The following KLHL32 variants were observed in gnomAD, a reference collection of about 807,000 sequenced individuals.
KLHL32 encodes the protein kelch-like protein 32.
Under a neutral mutation model 64.8 loss-of-function variants are expected in KLHL32, and 35 were observed. The ratio of observed to expected loss-of-function variants is 0.54; its 90% CI spans 0.41 to 0.72. The LOEUF (loss-of-function observed/expected upper bound fraction) is 0.72, where lower values mean the gene tolerates loss of function less well. Ranked by LOEUF, KLHL32 falls within the 30% of genes least tolerant of loss-of-function variation. The pLI, the probability that KLHL32 is intolerant of heterozygous loss-of-function variation, is 0.00. For synonymous variants in KLHL32, 259 were observed against 281.0 expected (o/e 0.92, Z 0.78); for missense variants, 589 against 768.5 (o/e 0.77, Z 2.76).
chr6:97,059,042 T>C (rs529889519), intron 4 of KLHL32, among the ~76,000 whole-genome samples: 1 of 152,348 alleles, frequency 6.6e-6, no homozygotes, highest in African/African-American at 2.4e-5. Context: ...AAGTTGATTC[T>C]GTCAGCAAGT....
intron 3 of KLHL32, among the ~76,000 whole-genome samples, chr6:97,028,546 C>CT (rs767606823): frequency 6.1e-4 from 93 of 152,252 alleles, no homozygotes; most frequent in Admixed American, 1.5e-3. Context: ...AATAAATTTC[C>CT]TTTTTTCATA....
intron 3 of KLHL32, among the ~76,000 whole-genome samples, chr6:96,989,717 C>A (rs1582611460): frequency 6.6e-6 from 1 of 152,072 alleles, no homozygotes; most frequent in Non-Finnish European, 1.5e-5. Flanking sequence ...TTTTCTCCCC[C>A]CCTCTCTTCC....
intron 1 of KLHL32, among the ~76,000 whole-genome samples, chr6:96,965,872 A>G (rs1774397515): frequency 6.6e-6 from 1 of 152,226 alleles, no homozygotes. Context: ...ATAATTAAAA[A>G]AAGAAAATAA....
At chr6:96,969,256 GCT>G (rs1174732532) in intron 2 of KLHL32, among the ~76,000 whole-genome samples, 4 of 152,052 alleles carry the variant, frequency 2.6e-5, no homozygotes, top group Non-Finnish European at 4.4e-5. Flanking sequence ...CTTAGTAATT[GCT>G]CTGTTTCTGA....
chr6:97,002,551 G>A (rs961582369), intron 3 of KLHL32, among the ~76,000 whole-genome samples: 3 of 152,134 alleles, frequency 2.0e-5, no homozygotes, highest in African/African-American at 4.8e-5. Flanking sequence ...TAGGAGTTTG[G>A]TGTACAGATT....
At chr6:97,121,556 G>A (rs1388688499) in intron 7 of KLHL32, among the ~76,000 whole-genome samples, 1 of 152,138 alleles carries the variant, frequency 6.6e-6, no homozygotes, top group Non-Finnish European at 1.5e-5. Context: ...ATACATTGGT[G>A]TAGATTAGAA....
intron 6 of KLHL32, among the ~76,000 whole-genome samples, chr6:97,111,031 G>GC (rs1011709625): frequency 7.0e-6 from 1 of 142,434 alleles, no homozygotes; most frequent in African/African-American, 2.7e-5. Flanking sequence ...GAAAAGTCTT[G>GC]GGGGGGGGGG....
chr6:96,967,000 A>G lies in KLHL32; in HGVS notation c.-61A>G. On this transcript the variant is annotated 5_prime_UTR_variant, in exon 2 of 11. Coordinates refer to ENST00000369261, the MANE Select transcript of KLHL32 (RefSeq NM_052904.4). The stretch of plus-strand genomic sequence containing the variant: ...TTCTCTTGTCTTTTTATTCAGCTGG[A>G]ATGCTTGCTGATTCCTCTGCACACT... 6.7e-7 allele frequency: 1 copy of G among 1,499,864 alleles called. No homozygotes were observed. Among genetic ancestry groups the G allele is most frequent in the South Asian group, 1.1e-5 (1 of 88,214 alleles). The allele number at this position is 1,499,864 out of a possible 1,614,324, so 92.9% of individuals were successfully genotyped here. A position where few individuals can be genotyped will look rare whatever the true frequency, so the allele number is the denominator to read the frequency against.
chr6:96,923,566 G>A (rs1298832431), upstream of KLHL32, among the ~76,000 whole-genome samples: 1 of 152,114 alleles, frequency 6.6e-6, no homozygotes, highest in African/African-American at 2.4e-5. Context: ...GGGAGCAAAC[G>A]AATAAACCCC....
chr6:96,971,236 C>G (rs1775069674), intron 2 of KLHL32, among the ~76,000 whole-genome samples: 1 of 152,094 alleles, frequency 6.6e-6, no homozygotes, highest in Admixed American at 6.5e-5. Flanking sequence ...ATTTGAAATG[C>G]AGATGTTTAA....
At chr6:97,047,119 C>A (rs1414387191) in intron 4 of KLHL32, among the ~76,000 whole-genome samples, 1 of 152,206 alleles carries the variant, frequency 6.6e-6, no homozygotes, top group Non-Finnish European at 1.5e-5. Context: ...GTGTAGCCTT[C>A]TTAAAATTGG....
intron 10 of KLHL32, among the ~76,000 whole-genome samples, chr6:97,138,184 A>C (rs1800256292): frequency 6.6e-6 from 1 of 152,228 alleles, no homozygotes; most frequent in Non-Finnish European, 1.5e-5. Flanking sequence ...TTCCTGCTTC[A>C]AAGATTCAGC....
chr6:97,096,531 G>C (rs932736296), intron 6 of KLHL32, among the ~76,000 whole-genome samples: 1 of 152,246 alleles, frequency 6.6e-6, no homozygotes, highest in South Asian at 2.1e-4. Context: ...TATAGATGCA[G>C]CTTTATGGTG....
intron 2 of KLHL32, among the ~76,000 whole-genome samples, chr6:96,970,886 C>T (rs1445267986): frequency 1.3e-5 from 2 of 152,082 alleles, no homozygotes; most frequent in African/African-American, 4.8e-5. Context: ...TATCCTGCTA[C>T]CTTAAATATA....
Position 96,966,339 on chromosome 6 carries a change from G to A in KLHL32, c.-65-657G>A, listed in dbSNP as rs371761271. On this transcript the variant is annotated intron_variant, in intron 1 of 10. Coordinates refer to ENST00000369261, the MANE Select transcript of KLHL32 (RefSeq NM_052904.4). ...CCAGTGATTAAAAACAAAGACACGG[G>A]ATGGGGGCAGGGACTAAATGAATAA... Among the ~76,000 whole-genome samples, 9 of 152,188 alleles carry A rather than the reference G, an allele frequency of 5.9e-5. No individual in the cohort carries two copies. The South Asian group carries it at 1.9e-3, about 31-fold the overall frequency.
intron 6 of KLHL32, among the ~76,000 whole-genome samples, chr6:97,097,790 A>G (rs1193120003): frequency 2.0e-5 from 3 of 152,142 alleles, no homozygotes; most frequent in Admixed American, 2.0e-4. Context: ...GCAGTGGGAA[A>G]GTATAAACGA....
intron 6 of KLHL32, among the ~76,000 whole-genome samples, chr6:97,090,151 T>A (rs1264207453): frequency 6.6e-6 from 1 of 152,168 alleles, no homozygotes; most frequent in Non-Finnish European, 1.5e-5. Flanking sequence ...ACTCTATTAA[T>A]AATAAATAAA....
chr6:96,902,774 A>C, the KLHL32 span, among the ~76,000 whole-genome samples: 1 of 152,134 alleles, frequency 6.6e-6, no homozygotes, highest in Admixed American at 6.6e-5. Context: ...GTATGGTGTA[A>C]GGAAGGGGTC....
intron 4 of KLHL32, among the ~76,000 whole-genome samples, chr6:97,043,870 T>A (rs1785507915): frequency 6.6e-6 from 1 of 152,120 alleles, no homozygotes. Flanking sequence ...GTCTATTAGG[T>A]CCTTTGCCAG....
Sources: allele counts gnomAD v4.1 joint callset (sites outside exome capture counted in the v4.1 genomes callset), GRCh38; gene constraint gnomAD v4.1.1; transcripts MANE v1.5; gene names NCBI Gene and HGNC (gene_info 2026-07-23, HGNC 2026-07-21).